CCT7: variants seen among roughly 807,000 people sequenced by gnomAD.
CCT7 encodes chaperonin containing TCP1 subunit 7.
A neutral mutation model predicts 56.6 loss-of-function variants in CCT7; 16 were observed. That is an observed-to-expected ratio of 0.28 (90% CI 0.19 to 0.43). CCT7 has a LOEUF of 0.43. Among genes scored for constraint, CCT7 ranks in the 20% least tolerant of loss-of-function variants. The probability of loss-of-function intolerance (pLI) is 1.00; values close to 1 mark genes in which losing one functional copy is unlikely to be tolerated. For synonymous variants in CCT7, 262 were observed against 254.8 expected (o/e 1.03, Z -0.27); for missense variants, 519 against 685.6 (o/e 0.76, Z 2.71).
At chr2:73,251,189 G>A in intron 10 of CCT7, 37 bp from the exon 11 acceptor site, 3 of 1,590,146 alleles carry the variant, frequency 1.9e-6, no homozygotes, top group Non-Finnish European at 2.6e-6. Flanking sequence ...TTGGACCAGG[G>A]GCCCTCTTAC....
At chr2:73,247,303 T>C (rs1041026408) in intron 6 of CCT7, among the ~76,000 whole-genome samples, 4 of 152,154 alleles carry the variant, frequency 2.6e-5, no homozygotes, top group Non-Finnish European at 5.9e-5. Flanking sequence ...GTGCAAATTA[T>C]GGGTACATGG....
chr2:73,239,410 C>T (rs1687009347), intron 1 of CCT7: 1 of 490,338 alleles, frequency 2.0e-6, no homozygotes, highest in East Asian at 3.7e-5. Context: ...TAGGTCAGTG[C>T]TTCTCAAACC....
chr2:73,240,559 T>C lies in CCT7; in HGVS notation c.267+16T>C. 1 of 1,541,218 alleles carries C rather than the reference T, an allele frequency of 6.5e-7. No individual in the cohort carries two copies. Among genetic ancestry groups the C allele is most frequent in the Admixed American group, 1.8e-5 (1 of 56,830 alleles). ...AGATGCTGAGGTAGGAAAATAGTTG[T>C]GTGTTTAAATGGAGGTTGAAACACA... On this transcript the variant is annotated intron_variant, in intron 3 of 11. Coordinates refer to ENST00000258091, the MANE Select transcript of CCT7 (RefSeq NM_006429.4).
At chr2:73,249,721 TG>T in intron 8 of CCT7, 97 bp from the exon 9 acceptor site, 1 of 807,678 alleles carries the variant, frequency 1.2e-6, no homozygotes, top group East Asian at 2.4e-5. Context: ...GTAGAGGCTC[TG>T]GGGGCATGCG....
Position 73,252,705 on chromosome 2 carries a change from G to A in CCT7, c.1476G>A (p.Val492=), listed in dbSNP as rs769865702. The change falls in exon 12 of 12, where the codon GTG becomes GTA. Residue 492 remains valine (V), a synonymous_variant. Transcript: ENST00000258091. ...EDIADNFEAF[V]WEPAMVRINA... is the part of the protein sequence containing the mutation. Reference sequence around the variant, plus strand: ...TTGCTGACAACTTTGAAGCTTTCGTGTGGGAGCCAGCTATGGTGCGGATCA... The same window carrying A: ...TTGCTGACAACTTTGAAGCTTTCGTATGGGAGCCAGCTATGGTGCGGATCA... The A allele has an allele frequency of 1.2e-6, 2 of 1,614,206 alleles. No individual in the cohort carries two copies. Among genetic ancestry groups the A allele is most frequent in the Non-Finnish European group, 8.5e-7 (1 of 1,180,034 alleles).
intron 5 of CCT7, chr2:73,244,296 C>T (rs1687239124): frequency 1.6e-6 from 1 of 606,844 alleles, no homozygotes; most frequent in Non-Finnish European, 2.9e-6. Flanking sequence ...TCCTGCCAGA[C>T]CCTTGGCTGT....
intron 5 of CCT7, 112 bp downstream of exon 5, chr2:73,244,161 A>G (rs1335048408): frequency 1.9e-6 from 2 of 1,062,878 alleles, no homozygotes; most frequent in Non-Finnish European, 2.7e-6. Flanking sequence ...GCGACTCCCA[A>G]AGTGCTGGGA....
At chr2:73,235,133 G>A (rs1420921742) in intron 1 of CCT7, among the ~76,000 whole-genome samples, 1 of 152,148 alleles carries the variant, frequency 6.6e-6, no homozygotes, top group African/African-American at 2.4e-5. Flanking sequence ...TCTGGGTCTC[G>A]TTTTCTTGAA....
intron 1 of CCT7, chr2:73,235,783 T>C (rs1211165993): frequency 6.3e-6 from 1 of 159,264 alleles, no homozygotes; most frequent in Non-Finnish European, 1.4e-5. Flanking sequence ...AGGTGGTTGT[T>C]TGCTTCCTTT....
At position 73,249,731 on chromosome 2, in the gene CCT7, C is replaced by T. The variant is rs531597579; in HGVS notation, c.973-88C>T. The T allele has an allele frequency of 9.8e-5, 83 of 849,478 alleles. No individual in the cohort carries two copies. In the African/African-American group the frequency reaches 1.0e-3, roughly 10 times the overall value. 52.6% of individuals were successfully genotyped at this position (849,478 alleles called of 1,614,324 possible). On this transcript the variant is annotated intron_variant, in intron 8 of 11. Transcript: ENST00000258091. ...GTAATGTAGAGGCTCTGGGGGCATG[C>T]GTGGGAATTGGCTTTGAGACGAGGT...
chr2:73,240,331 C>A, intron 2 of CCT7, 106 bp from the exon 3 acceptor site: 1 of 647,666 alleles, frequency 1.5e-6, no homozygotes, highest in Non-Finnish European at 2.6e-6. Flanking sequence ...TCAGCCCTGC[C>A]GTGATCCCCT....
Position 73,251,244 on chromosome 2 carries a change from G to T in CCT7, c.1222G>T (p.Gly408Cys), listed in dbSNP as rs760608433. ...TCTGCAGAATGATTCAGTGGTGGCT[G>T]GTGGCGGGGCCATTGAGATGGAACT... is the stretch of plus-strand genomic sequence containing the variant. The part of the protein sequence containing the change: ...RAIKNDSVVA[G>C]GGAIEMELSK... The change falls in exon 11 of 12, where the codon GGT becomes TGT. Residue 408 changes from glycine to cysteine, a missense_variant. Physicochemically the swap from Gly to Cys is radical, Grantham distance 159. Coordinates refer to ENST00000258091, the MANE Select transcript of CCT7 (RefSeq NM_006429.4). 6.2e-7 allele frequency: 1 copy of T among 1,614,176 alleles called. No individual in the cohort carries two copies. Among genetic ancestry groups the T allele is most frequent in the Non-Finnish European group, 8.5e-7 (1 of 1,180,036 alleles).
chr2:73,240,150 ATATC>A (rs1253401069), intron 2 of CCT7: 6 of 332,274 alleles, frequency 1.8e-5, no homozygotes, highest in East Asian at 5.2e-5. Flanking sequence ...TGTGGTAAGA[ATATC>A]TAAGTGGTTA....
At chr2:73,239,494 A>C in intron 1 of CCT7, 149 bp from the exon 2 acceptor site, 2 of 675,208 alleles carry the variant, frequency 3.0e-6, no homozygotes, top group Non-Finnish European at 4.9e-6. Context: ...TGGTTGGGGA[A>C]TGGATGTGGT....
chr2:73,234,493 TC>T, intron 1 of CCT7, 109 bp downstream of exon 1: 1 of 1,306,762 alleles, frequency 7.7e-7, no homozygotes, highest in South Asian at 1.2e-5. Context: ...GCCGCCTCTG[TC>T]CTCGCCCAGA....
rs1385123540 is a variant in CCT7, at chr2:73,251,321, G to A, written c.1299G>A (p.Leu433=). ...YSRTIPGKQQ[L]LIGAYAKALE... is the part of the protein sequence containing the mutation. ...GGACTATTCCAGGAAAACAGCAGCT[G>A]TTGATTGGGGCATATGCCAAGGCCT... The change falls in exon 11 of 12, where the codon CTG becomes CTA. Residue 433 remains leucine, a synonymous_variant. Transcript: ENST00000258091. 6.2e-7 allele frequency: 1 copy of A among 1,614,220 alleles called. No homozygotes were observed. Among genetic ancestry groups the A allele is most frequent in the Admixed American group, 1.7e-5 (1 of 60,026 alleles).
In CCT7 at chr2:73,244,694, G is replaced by A; in HGVS notation, c.597G>A (p.Lys199=). ...AGCTTAAAATGATTGGAATCAAGAA[G>A]GTACAGGGTGGAGCCCTCGAGGTAA... The part of the protein sequence containing the change: ...LLQLKMIGIK[K]VQGGALEDSQ... The change falls in exon 6 of 12, where the codon AAG becomes AAA. Residue 199 remains lysine, a synonymous_variant. Coordinates refer to ENST00000258091, the MANE Select transcript of CCT7 (RefSeq NM_006429.4). The A allele has an allele frequency of 6.2e-7, 1 of 1,612,916 alleles. No homozygotes were observed. Among genetic ancestry groups the A allele is most frequent in the South Asian group, 1.1e-5 (1 of 90,856 alleles).
chr2:73,250,265 A>T (rs765981787), intron 9 of CCT7, 41 bp from the exon 10 acceptor site: 5 of 1,611,472 alleles, frequency 3.1e-6, no homozygotes, highest in Non-Finnish European at 3.4e-6. Flanking sequence ...GGATGGTGGC[A>T]GACAAGAGTT....
In CCT7 at chr2:73,247,896, C is replaced by T. The variant is rs61736516; in HGVS notation, c.753C>T (p.Asp251=). Residue 251 remains aspartate, a synonymous_variant, in exon 7 of 12, where the codon GAC becomes GAT. Transcript: ENST00000258091. ...AGCTCGAGTTGAAAGCTGAGAAAGA[C>T]AATGCTGAGATAAGAGTCCACACAG... ...NVELELKAEK[D]NAEIRVHTVE... 1.9e-3 allele frequency: 2,997 copies of T among 1,614,082 alleles called. 50 individuals are homozygous for T. The African/African-American group carries it at 0.031, about 17-fold the overall frequency.
Sources: allele counts gnomAD v4.1 joint callset (sites outside exome capture counted in the v4.1 genomes callset), GRCh38; gene constraint gnomAD v4.1.1; transcripts MANE v1.5; gene names NCBI Gene and HGNC (gene_info 2026-07-23, HGNC 2026-07-21).